NETO1: variants seen among roughly 807,000 people sequenced by gnomAD.
NETO1 encodes the protein neuropilin and tolloid like 1.
A neutral mutation model predicts 61.3 loss-of-function variants in NETO1; 26 were observed. The observed-to-expected ratio is 0.42, with a 90% confidence interval of 0.31 to 0.59. The LOEUF is 0.59. Ranked by LOEUF, NETO1 falls within the 20% of genes least tolerant of loss-of-function variation. NETO1 has a pLI of 0.12. For synonymous variants in NETO1, 225 were observed against 225.8 expected, an observed-to-expected ratio of 1.00 and a Z score of 0.03; for missense variants, 531 against 662.8, an observed-to-expected ratio of 0.80 and a Z score of 2.18.
chr18:72,804,423 C>T (rs1193705556), intron 4 of NETO1, among the ~76,000 whole-genome samples: 1 of 152,186 alleles, frequency 6.6e-6, no homozygotes, highest in Non-Finnish European at 1.5e-5. Flanking sequence ...CTGGAAACTA[C>T]TGTTAACTGA....
intron 4 of NETO1, among the ~76,000 whole-genome samples, chr18:72,808,510 C>T (rs2072757838): frequency 6.6e-6 from 1 of 151,428 alleles, no homozygotes. Flanking sequence ...TCTTCCATCC[C>T]AATTATGCCA....
At chr18:72,834,867 T>G in intron 4 of NETO1, 1 of 928,810 alleles carries the variant, frequency 1.1e-6, no homozygotes, top group Non-Finnish European at 1.3e-6. Flanking sequence ...AAGATTGTAA[T>G]ACAAGAATAA....
chr18:72,784,392 C>T (rs1366454556), intron 6 of NETO1, among the ~76,000 whole-genome samples: 1 of 152,090 alleles, frequency 6.6e-6, no homozygotes, highest in East Asian at 1.9e-4. Context: ...AATTATTTAA[C>T]ATAAATACAC....
At chr18:72,793,700 C>T (rs1291270387) in intron 6 of NETO1, among the ~76,000 whole-genome samples, 1 of 152,178 alleles carries the variant, frequency 6.6e-6, no homozygotes, top group African/African-American at 2.4e-5. Context: ...TTGTATTTTA[C>T]ATGCCAGATA....
chr18:72,841,197 C>T (rs932243826), intron 4 of NETO1, among the ~76,000 whole-genome samples: 1 of 151,960 alleles, frequency 6.6e-6, no homozygotes, highest in African/African-American at 2.4e-5. Flanking sequence ...ATTACCTAAC[C>T]CAGGTTCTTG....
intron 8 of NETO1, among the ~76,000 whole-genome samples, chr18:72,751,427 C>G (rs1356228870): frequency 6.6e-6 from 1 of 152,172 alleles, no homozygotes; most frequent in Non-Finnish European, 1.5e-5. Context: ...GCAGGGCACC[C>G]TCTCCCTGCA....
At chr18:72,766,021 A>G (rs2071141831) in intron 7 of NETO1, among the ~76,000 whole-genome samples, 1 of 152,106 alleles carries the variant, frequency 6.6e-6, no homozygotes, top group Non-Finnish European at 1.5e-5. Context: ...AGCTCGGTCA[A>G]CATGGTGAGA....
At chr18:72,847,631 G>A (rs1041617150) in intron 4 of NETO1, among the ~76,000 whole-genome samples, 1 of 152,274 alleles carries the variant, frequency 6.6e-6, no homozygotes, top group African/African-American at 2.4e-5. Context: ...TATAAAATCA[G>A]ATGATATAAA....
Position 72,750,014 on chromosome 18 carries a change from T to G in NETO1, c.1541+48A>C, listed in dbSNP as rs200630599. The G allele has an allele frequency of 7.5e-6, 10 of 1,325,010 alleles. No individual in the cohort carries two copies. In the Admixed American group the frequency reaches 2.1e-4, roughly 27 times the overall value. 82.1% of individuals were successfully genotyped at this position (1,325,010 alleles called of 1,614,324 possible). ...ATAGAAGACAATACTCTGGAAGTAT[T>G]TCAGTCTTCAGGTTATAGTTGTCAT... On this transcript the variant is annotated intron_variant, in intron 9 of 10. Coordinates refer to ENST00000327305, the MANE Select transcript of NETO1 (RefSeq NM_138966.5).
downstream of NETO1, among the ~76,000 whole-genome samples, chr18:72,743,298 TC>T (rs746879078): frequency 4.6e-5 from 7 of 152,168 alleles, no homozygotes; most frequent in Non-Finnish European, 8.8e-5. Context: ...TGGAAATTTC[TC>T]CCTGCACTAC....
intron 4 of NETO1, among the ~76,000 whole-genome samples, chr18:72,846,938 C>T (rs1011507923): frequency 5.3e-5 from 8 of 152,218 alleles, no homozygotes; most frequent in African/African-American, 1.9e-4. Context: ...CCAAATTTGC[C>T]AAAGGAAGTA....
Position 72,750,289 on chromosome 18 carries a change from G to A in NETO1, c.1314C>T (p.Ser438=). 2.5e-6 allele frequency: 4 copies of A among 1,614,074 alleles called. No individual in the cohort carries two copies. The highest frequency in any genetic ancestry group is 3.4e-6 in the Non-Finnish European group (4 of 1,179,996). The change falls in exon 9 of 11, where the codon TCC becomes TCT. Residue 438 remains serine (S), a synonymous_variant. Coordinates refer to ENST00000327305, the MANE Select transcript of NETO1 (RefSeq NM_138966.5). The part of the protein sequence containing the change: ...IHDHHCGSQL[S]STKGSRSNLS... ...GGTTACTGCGGCTGCCTTTAGTGCTGGACAGCTGTGATCCACAGTGATGGT... is the reference window on the plus strand; with the variant it reads ...GGTTACTGCGGCTGCCTTTAGTGCTAGACAGCTGTGATCCACAGTGATGGT...
intron 4 of NETO1, among the ~76,000 whole-genome samples, chr18:72,828,599 T>A (rs1415888617): frequency 6.6e-6 from 1 of 152,208 alleles, no homozygotes; most frequent in Non-Finnish European, 1.5e-5. Flanking sequence ...TTTTGACAAG[T>A]GATTAAAAAT....
intron 7 of NETO1, among the ~76,000 whole-genome samples, chr18:72,765,964 C>T (rs1434483193): frequency 1.3e-5 from 2 of 152,046 alleles, no homozygotes; most frequent in African/African-American, 2.4e-5. Flanking sequence ...ATCAGCACTT[C>T]GGGAGGCCGA....
chr18:72,771,726 A>C (rs1369326146), intron 7 of NETO1, among the ~76,000 whole-genome samples: 5 of 152,204 alleles, frequency 3.3e-5, no homozygotes, highest in Non-Finnish European at 5.9e-5. Flanking sequence ...ATATTAATAA[A>C]TAGCAATATA....
chr18:72,752,974 A>T (rs2070671816), intron 8 of NETO1, among the ~76,000 whole-genome samples: 1 of 152,142 alleles, frequency 6.6e-6, no homozygotes, highest in Non-Finnish European at 1.5e-5. Context: ...AATGAGTTTC[A>T]AAACAAGAAG....
At chr18:72,852,498 AGCCACCGTGCCCG>A (rs2074282240) in intron 4 of NETO1, among the ~76,000 whole-genome samples, 1 of 152,300 alleles carries the variant, frequency 6.6e-6, no homozygotes, top group East Asian at 1.9e-4. Flanking sequence ...TACAGGCGTG[AGCCACCGTGCCCG>A]GCCGGAAGAC....
At chr18:72,862,458 A>G (rs530604825) in intron 3 of NETO1, among the ~76,000 whole-genome samples, 2 of 152,226 alleles carry the variant, frequency 1.3e-5, no homozygotes, top group African/African-American at 2.4e-5. Context: ...AACACAAACT[A>G]AACACATTAT....
chr18:72,852,833 C>CTTTT (rs71166431), intron 4 of NETO1, among the ~76,000 whole-genome samples: 2 of 132,284 alleles, frequency 1.5e-5, no homozygotes, highest in African/African-American at 2.8e-5. Context: ...TTTTCTTTTT[C>CTTTT]TTTTTTTTTT....
Sources: gnomAD v4.1 joint callset for allele counts (sites outside exome capture counted in the v4.1 genomes callset) on GRCh38, gnomAD v4.1.1 for gene constraint, MANE v1.5 for transcripts, NCBI Gene and HGNC (gene_info 2026-07-23, HGNC 2026-07-21) for gene names.